Variants in NSUN4 observed in about 807,000 individuals in gnomAD.
NSUN4 encodes the protein NOP2/Sun RNA methyltransferase 4.
Under a neutral mutation model 43.8 loss-of-function variants are expected in NSUN4, and 31 were observed. The observed-to-expected ratio is 0.71, with a 90% CI of 0.53 to 0.96. The LOEUF (loss-of-function observed/expected upper bound fraction) is 0.96, where lower values mean the gene tolerates loss of function less well. Among genes scored for constraint, NSUN4 ranks in the 40% least tolerant of loss-of-function variants. The probability of loss-of-function intolerance (pLI) is 0.00; values close to 1 mark genes in which losing one functional copy is unlikely to be tolerated. For missense variants in NSUN4, 439 were observed against 475.6 expected (o/e 0.92, Z 0.72); for synonymous variants, 167 against 184.1 (o/e 0.91, Z 0.75).
downstream of NSUN4, among the ~76,000 whole-genome samples, chr1:46,366,535 A>C (rs1486653408): frequency 6.6e-6 from 1 of 152,058 alleles, no homozygotes; most frequent in Non-Finnish European, 1.5e-5. Flanking sequence ...AATTTTGTAC[A>C]TCTGAGGTCT....
At position 46,340,903 on chromosome 1, in the gene NSUN4, G is replaced by A; in HGVS notation, c.77G>A (p.Arg26Gln). 2 of 1,613,216 alleles carry A rather than the reference G, an allele frequency of 1.2e-6. No individual in the cohort carries two copies. Among genetic ancestry groups the A allele is most frequent in the Admixed American group, 1.7e-5 (1 of 59,892 alleles). Reference protein sequence around the residue: ...VDLATVPRRHRYKKKWAATEP... With the variant: ...VDLATVPRRHQYKKKWAATEP... ...CTCGCGACGGTCCCGCGGAGACATC[G>A]ATATAAGAAGAAATGGGTAAGGTCC... The change falls in exon 1 of 6, where the codon CGA (arginine) becomes CAA (glutamine). Residue 26 changes from arginine (R) to glutamine (Q), a missense_variant. Transcript: ENST00000474844.
chr1:46,355,913 C>T (rs1249847819), intron 4 of NSUN4, among the ~76,000 whole-genome samples: 1 of 151,712 alleles, frequency 6.6e-6, no homozygotes, highest in African/African-American at 2.4e-5. Context: ...ACTTGGGAGG[C>T]TGAGGCAGGA....
In NSUN4 at chr1:46,353,034, T is replaced by G; in HGVS notation, c.753+6T>G. 1 of 1,613,546 alleles carries G rather than the reference T, an allele frequency of 6.2e-7. No homozygotes were observed. The highest frequency in any genetic ancestry group is 1.3e-5 in the African/African-American group (1 of 74,948). On this transcript the variant is annotated splice_donor_region_variant and intron_variant, in intron 4 of 5. Transcript: ENST00000474844. Reference sequence around the variant, plus strand: ...AGGGGGACACCTATGACCGGGTGAGTGATTCTTGATTTAGGACATGCATCC... The same window carrying G: ...AGGGGGACACCTATGACCGGGTGAGGGATTCTTGATTTAGGACATGCATCC...
At chr1:46,344,139 C>G in intron 1 of NSUN4, 1 of 183,090 alleles carries the variant, frequency 5.5e-6, no homozygotes, top group Non-Finnish European at 1.1e-5. Flanking sequence ...CCTGCTACCC[C>G]CATAGCAGTC....
chr1:46,367,992 T>G (rs1461946807), downstream of NSUN4, among the ~76,000 whole-genome samples: 1 of 152,064 alleles, frequency 6.6e-6, no homozygotes, highest in Non-Finnish European at 1.5e-5. Flanking sequence ...CTTGAACTCT[T>G]GAGCTCAAGT....
chr1:46,344,700 A>C, intron 1 of NSUN4, 101 bp from the exon 2 acceptor site: 2 of 992,586 alleles, frequency 2.0e-6, no homozygotes, highest in Non-Finnish European at 3.1e-6. Context: ...AGTGGGCACT[A>C]GCTGGATCCA....
intron 1 of NSUN4, chr1:46,343,616 GC>G: frequency 2.5e-6 from 1 of 399,714 alleles, no homozygotes; most frequent in Admixed American, 4.4e-5. Flanking sequence ...GGAGCAAGAG[GC>G]ATCATCTGAG....
chr1:46,383,443 C>T, the NSUN4 span, among the ~76,000 whole-genome samples: 2 of 141,718 alleles, frequency 1.4e-5, no homozygotes, highest in Non-Finnish European at 3.0e-5. Flanking sequence ...ATCTTGTTGG[C>T]TGGTGTTTTT....
downstream of NSUN4, among the ~76,000 whole-genome samples, chr1:46,366,307 C>G (rs879586981): frequency 5.9e-5 from 9 of 152,010 alleles, no homozygotes; most frequent in Admixed American, 3.9e-4. Context: ...AAGAATGGTT[C>G]TCACTATGGA....
chr1:46,350,862 C>CTCTAT (rs1461664647), intron 3 of NSUN4, among the ~76,000 whole-genome samples: 2 of 152,180 alleles, frequency 1.3e-5, no homozygotes, highest in African/African-American at 4.8e-5. Context: ...ACTAGTAAAG[C>CTCTAT]TCTAAGGCAA....
intron 4 of NSUN4, among the ~76,000 whole-genome samples, chr1:46,357,262 CT>C (rs1319931681): frequency 2.0e-5 from 3 of 152,230 alleles, no homozygotes; most frequent in African/African-American, 4.8e-5. Flanking sequence ...TCACTGCAAC[CT>C]CTGCTTCCTG....
At chr1:46,353,119 A>G (rs568953340) in intron 4 of NSUN4, 91 bp downstream of exon 4, 14 of 1,176,910 alleles carry the variant, frequency 1.2e-5, no homozygotes, top group East Asian at 2.4e-5. Flanking sequence ...TCCAGCCCCT[A>G]TGTTTGAGCA....
At chr1:46,376,096 TAAAA>T in the NSUN4 span, among the ~76,000 whole-genome samples, 2 of 40,868 alleles carry the variant, frequency 4.9e-5, no homozygotes, top group Admixed American at 4.3e-4. Flanking sequence ...AGAGCGAAAC[TAAAA>T]AAAAAAAAAA....
In NSUN4 at chr1:46,345,208, C is replaced by T; in HGVS notation, c.437+64C>T. The T allele has an allele frequency of 6.8e-6, 8 of 1,179,748 alleles. 1 individual carries two copies. Among genetic ancestry groups the T allele is most frequent in the South Asian group, 2.8e-5 (2 of 71,064 alleles). 73.1% of individuals were successfully genotyped at this position (1,179,748 alleles called of 1,614,324 possible). On this transcript the variant is annotated intron_variant, in intron 2 of 5. Coordinates refer to ENST00000474844, the MANE Select transcript of NSUN4 (RefSeq NM_199044.4). ...CTGCTGGAAGTAGACATGTTGAGAC[C>T]CAGCTTCTACCCTCTGTAATAAGGA...
At chr1:46,361,346 G>C (rs1008197162) in intron 5 of NSUN4, among the ~76,000 whole-genome samples, 1 of 152,172 alleles carries the variant, frequency 6.6e-6, no homozygotes, top group Admixed American at 6.5e-5. Flanking sequence ...GGGGGTCATT[G>C]TAAGGAGACT....
chr1:46,352,882 A>G lies in NSUN4; in HGVS notation c.607A>G (p.Asn203Asp), dbSNP rs1282270749. 4.3e-6 allele frequency: 7 copies of G among 1,614,008 alleles called. No individual in the cohort carries two copies. The highest frequency in any genetic ancestry group is 1.3e-5 in the African/African-American group (1 of 74,938). The change falls in exon 4 of 6, where the codon AAT (asparagine) becomes GAT (aspartate). Residue 203 changes from asparagine (N) to aspartate (D), a missense_variant. By Grantham distance (23) the Asn-to-Asp change is conservative. Transcript: ENST00000474844. ...QTGCCRNLAANDLSPSRIARL... is the reference protein window; with the variant it reads ...QTGCCRNLAADDLSPSRIARL... The stretch of plus-strand genomic sequence containing the variant: ...TATTTCCATAGGCAATCTTGCTGCC[A>G]ATGATCTCTCCCCGTCCCGAATAGC...
Position 46,344,992 on chromosome 1 carries a change from C to T in NSUN4, c.285C>T (p.Ala95=). The change falls in exon 2 of 6, where the codon GCC becomes GCT. Residue 95 remains alanine (A), a synonymous_variant. Coordinates refer to ENST00000474844, the MANE Select transcript of NSUN4 (RefSeq NM_199044.4). ...HVSAKLEQLS[A]KDFVNEAISH... The stretch of plus-strand genomic sequence containing the variant: ...GTGCTAAGCTGGAGCAGCTGAGTGC[C>T]AAGGATTTTGTGAATGAAGCCATCT... The T allele has an allele frequency of 6.2e-7, 1 of 1,614,186 alleles. No individual in the cohort carries two copies. The highest frequency in any genetic ancestry group is 8.5e-7 in the Non-Finnish European group (1 of 1,180,028).
chr1:46,342,197 A>C, intron 1 of NSUN4: 1 of 399,810 alleles, frequency 2.5e-6, no homozygotes, highest in Non-Finnish European at 4.4e-6. Context: ...TCTCAGGGAG[A>C]AGTTATAATG....
chr1:46,362,362 T>A lies in NSUN4; in HGVS notation c.*516T>A, dbSNP rs1365811240. 6.5e-6 allele frequency: 1 copy of A among 154,864 alleles called. No homozygotes were observed. Among genetic ancestry groups the A allele is most frequent in the Non-Finnish European group, 1.4e-5 (1 of 69,788 alleles). 9.6% of individuals were successfully genotyped at this position (154,864 alleles called of 1,614,324 possible). The stretch of plus-strand genomic sequence containing the variant: ...CCTGGTTTTTCCATATGGCTCATGA[T>A]CTAATTTAAGGAACAAGTAACTAAA... On this transcript the variant is annotated 3_prime_UTR_variant, in exon 6 of 6. Coordinates refer to ENST00000474844, the MANE Select transcript of NSUN4 (RefSeq NM_199044.4).
Sources: allele counts gnomAD v4.1 joint callset (sites outside exome capture counted in the v4.1 genomes callset), GRCh38; gene constraint gnomAD v4.1.1; transcripts MANE v1.5; gene names NCBI Gene and HGNC (gene_info 2026-07-23, HGNC 2026-07-21).